Variants in SMAD9 observed in about 807,000 individuals in gnomAD.
The protein encoded by SMAD9 is SMAD family member 9.
A neutral mutation model predicts 46.1 loss-of-function variants in SMAD9; 36 were observed. The observed-to-expected ratio is 0.78, with a 90% CI of 0.60 to 1.03. The LOEUF is 1.03. Ranked by LOEUF, SMAD9 falls within the 50% of genes least tolerant of loss-of-function variation. SMAD9 has a pLI of 0.00. For synonymous variants in SMAD9, 245 were observed against 237.1 expected, an observed-to-expected ratio of 1.03 and a Z score of -0.31; for missense variants, 572 against 599.8, an observed-to-expected ratio of 0.95 and a Z score of 0.48.
Position 36,879,642 on chromosome 13 carries a change from G to A in SMAD9, c.48C>T (p.Pro16=), listed in dbSNP as rs151312678. 6.0e-4 allele frequency: 972 copies of A among 1,614,188 alleles called. 11 individuals carry two copies. The highest frequency in any genetic ancestry group is 2.7e-3 in the South Asian group (249 of 91,088). Residue 16 remains proline, a synonymous_variant, in exon 2 of 7, where the codon CCC becomes CCT. Transcript: ENST00000379826. ...TCCAGCCTAGCAGTCTCTTCACTGC[G>A]GGGCTGGTGAAGGAGAAGAGGGAGC... is the stretch of plus-strand genomic sequence containing the variant. ...PISSLFSFTS[P]AVKRLLGWKQ...
intron 1 of SMAD9, among the ~76,000 whole-genome samples, chr13:36,915,939 AT>A (rs2058695522): frequency 6.6e-6 from 1 of 152,168 alleles, no homozygotes; most frequent in African/African-American, 2.4e-5. Flanking sequence ...AGCAAATTCT[AT>A]TTTTTCACAT....
chr13:36,874,406 T>G (rs549962403), intron 2 of SMAD9, among the ~76,000 whole-genome samples: 1 of 152,352 alleles, frequency 6.6e-6, no homozygotes, highest in South Asian at 2.1e-4. Context: ...TAACCCTGGC[T>G]ACTAGAAGTC....
chr13:36,863,798 C>T (rs1234560355), intron 5 of SMAD9, among the ~76,000 whole-genome samples: 2 of 152,140 alleles, frequency 1.3e-5, no homozygotes, highest in African/African-American at 4.8e-5. Context: ...AAAGCCCTCA[C>T]CAGAAGCACA....
At chr13:36,879,225 G>A (rs1022970798) in intron 2 of SMAD9, 53 bp downstream of exon 2, 4 of 1,483,408 alleles carry the variant, frequency 2.7e-6, no homozygotes, top group Admixed American at 1.7e-5. Flanking sequence ...CCATCAATGG[G>A]GCACACGACC....
At chr13:36,914,286 G>A (rs539563056) in intron 1 of SMAD9, among the ~76,000 whole-genome samples, 31 of 152,278 alleles carry the variant, frequency 2.0e-4, no homozygotes, top group African/African-American at 5.3e-4. Flanking sequence ...TTGGGAGGCC[G>A]AGGCCGGCGG....
chr13:36,915,830 G>C (rs1007379445), intron 1 of SMAD9, among the ~76,000 whole-genome samples: 1 of 151,992 alleles, frequency 6.6e-6, no homozygotes, highest in African/African-American at 2.4e-5. Context: ...ATTTTATATT[G>C]GGAGTCGTTT....
intron 1 of SMAD9, among the ~76,000 whole-genome samples, chr13:36,909,087 T>C (rs1350176567): frequency 1.3e-5 from 2 of 152,244 alleles, no homozygotes; most frequent in East Asian, 3.8e-4. Flanking sequence ...AATGTTACTA[T>C]TGATTGGATA....
intron 5 of SMAD9, among the ~76,000 whole-genome samples, chr13:36,856,358 C>A (rs2058124837): frequency 6.6e-6 from 1 of 152,190 alleles, no homozygotes; most frequent in African/African-American, 2.4e-5. Flanking sequence ...AGTCTGTTAT[C>A]TATCTTCAGG....
chr13:36,870,825 C>T (rs1270908574), intron 3 of SMAD9, among the ~76,000 whole-genome samples: 1 of 152,168 alleles, frequency 6.6e-6, no homozygotes, highest in African/African-American at 2.4e-5. Context: ...CATCACTACT[C>T]TTGCACTCTG....
Position 36,848,543 on chromosome 13 carries a change from A to T in SMAD9, c.*133T>A. 1 of 930,794 alleles carries T rather than the reference A, an allele frequency of 1.1e-6. No homozygotes were observed. The highest frequency in any genetic ancestry group is 1.7e-6 in the Non-Finnish European group (1 of 574,212). 57.7% of individuals were successfully genotyped at this position (930,794 alleles called of 1,614,324 possible). ...GAAAGCACAAAACAAACGGTGATTA[A>T]AAAAAATAAGAACAGTATACATTCT... is the stretch of plus-strand genomic sequence containing the variant. On this transcript the variant is annotated 3_prime_UTR_variant, in exon 7 of 7. Coordinates refer to ENST00000379826, the MANE Select transcript of SMAD9 (RefSeq NM_001127217.3).
intron 5 of SMAD9, among the ~76,000 whole-genome samples, chr13:36,857,264 G>A (rs1487216952): frequency 6.6e-6 from 1 of 152,128 alleles, no homozygotes; most frequent in East Asian, 1.9e-4. Flanking sequence ...TAATTTAGTA[G>A]CATTAGAAGT....
chr13:36,870,972 A>C lies in SMAD9; in HGVS notation c.670+1686T>G, dbSNP rs149638188. ...TGATTCAGAACCTGGATAGGATGGCACGAAGTTTCATCCCCACATACAATT... is the reference window on the plus strand; with the variant it reads ...TGATTCAGAACCTGGATAGGATGGCCCGAAGTTTCATCCCCACATACAATT... On this transcript the variant is annotated intron_variant, in intron 3 of 6. Coordinates refer to ENST00000379826, the MANE Select transcript of SMAD9 (RefSeq NM_001127217.3). 4.8e-4 allele frequency among the ~76,000 whole-genome samples: 73 copies of C among 152,294 alleles called. 1 individual carries two copies. The East Asian group carries it at 0.011, about 24-fold the overall frequency.
At chr13:36,908,711 G>C (rs749569891) in intron 1 of SMAD9, among the ~76,000 whole-genome samples, 1 of 151,994 alleles carries the variant, frequency 6.6e-6, no homozygotes, top group South Asian at 2.1e-4. Flanking sequence ...TGATAAAATA[G>C]TCAAAAGGAA....
At chr13:36,878,227 T>C (rs569134) in intron 2 of SMAD9, among the ~76,000 whole-genome samples, 6,579 of 152,236 alleles carry the variant, frequency 0.043, 480 homozygotes, top group African/African-American at 0.15. Context: ...GATACTTTCC[T>C]ATACAATCAT....
intron 3 of SMAD9, among the ~76,000 whole-genome samples, chr13:36,870,704 G>GT (rs1176964759): frequency 3.9e-5 from 6 of 152,064 alleles, no homozygotes; most frequent in East Asian, 3.9e-4. Context: ...CATATACTAT[G>GT]TTTTTTTTCC....
chr13:36,873,032 T>G, intron 2 of SMAD9, 117 bp from the exon 3 acceptor site: 1 of 1,124,518 alleles, frequency 8.9e-7, no homozygotes, highest in Non-Finnish European at 1.3e-6. Context: ...TTTTTCCCCT[T>G]GGGAACTACT....
At position 36,920,196 on chromosome 13, in the gene SMAD9, G is replaced by A. The variant is rs1363975941; in HGVS notation, c.-267C>T. The A allele has an allele frequency of 1.4e-4, 22 of 160,380 alleles. No individual in the cohort carries two copies. The highest frequency in any genetic ancestry group is 2.3e-4 in the Non-Finnish European group (18 of 78,002). The allele number at this position is 160,380 out of a possible 1,614,324, so 9.9% of individuals were successfully genotyped here. A position where few individuals can be genotyped will look rare whatever the true frequency, so the allele number is the denominator to read the frequency against. On this transcript the variant is annotated 5_prime_UTR_variant, in exon 1 of 7. Coordinates refer to ENST00000379826, the MANE Select transcript of SMAD9 (RefSeq NM_001127217.3). ...AGACAGCGGCTGCAGCAGCGGCGGC[G>A]GCGGCGGCGGCGGCGGCGGCCCCAG...
intron 1 of SMAD9, among the ~76,000 whole-genome samples, chr13:36,902,603 G>A (rs554616868): frequency 1.3e-4 from 20 of 151,908 alleles, no homozygotes; most frequent in South Asian, 2.1e-4. Context: ...ATAGGTGCCC[G>A]CCACCACGCC....
chr13:36,889,023 A>G (rs73175023), intron 1 of SMAD9, among the ~76,000 whole-genome samples: 241 of 152,314 alleles, frequency 1.6e-3, no homozygotes, highest in Non-Finnish European at 2.9e-3. Flanking sequence ...CAGAAAAATC[A>G]CAATAGGAAA....
Sources: gnomAD v4.1 joint callset for allele counts (sites outside exome capture counted in the v4.1 genomes callset) on GRCh38, gnomAD v4.1.1 for gene constraint, MANE v1.5 for transcripts, NCBI Gene and HGNC (gene_info 2026-07-23, HGNC 2026-07-21) for gene names.